Variants in SGCZ observed in about 807,000 individuals in gnomAD.
SGCZ encodes the protein zeta-sarcoglycan.
SGCZ carries 40 observed loss-of-function variants against 41.3 expected under a neutral mutation model. The ratio of observed to expected loss-of-function variants is 0.97; its 90% CI spans 0.75 to 1.26. SGCZ has a LOEUF of 1.26. Ranked by LOEUF, SGCZ falls within the 50% of genes most tolerant of loss-of-function variation. The pLI is 0.00. For synonymous variants in SGCZ, 206 were observed against 137.5 expected (o/e 1.50, Z -3.49); for missense variants, 552 against 369.8 (o/e 1.49, Z -4.04).
At chr8:14,327,024 A>C (rs1358475428) in intron 2 of SGCZ, among the ~76,000 whole-genome samples, 2 of 152,208 alleles carry the variant, frequency 1.3e-5, no homozygotes, top group South Asian at 2.1e-4. Flanking sequence ...ATGACTAACC[A>C]TTATTTTTCT....
Position 14,497,347 on chromosome 8 carries a change from G to T in SGCZ, c.234+57385C>A, listed in dbSNP as rs568818536. On this transcript the variant is annotated intron_variant, in intron 2 of 7. Transcript: ENST00000382080. ...GAGGGAGCAAGAGAAAGAAGGGAGA[G>T]GTCCAAGTCTGTTTTAAACAATCAG... 6.6e-5 allele frequency among the ~76,000 whole-genome samples: 10 copies of T among 152,162 alleles called. 1 individual carries two copies. In the South Asian group the frequency reaches 2.1e-3, roughly 32 times the overall value.
chr8:14,460,653 C>G (rs920275194), intron 2 of SGCZ, among the ~76,000 whole-genome samples: 6 of 152,052 alleles, frequency 3.9e-5, no homozygotes, highest in African/African-American at 1.4e-4. Flanking sequence ...AACAGAGAGA[C>G]GAATTCCAAA....
In SGCZ at chr8:14,638,790, C is replaced by T. The variant is rs543946791; in HGVS notation, c.40-83864G>A. On this transcript the variant is annotated intron_variant, in intron 1 of 7. Coordinates refer to ENST00000382080, the MANE Select transcript of SGCZ (RefSeq NM_139167.4). ...AATGGTTAGCTAACATTTCAGTCTCCCTCAGGTGCACTACATTTTATGAGG... is the reference window on the plus strand; with the variant it reads ...AATGGTTAGCTAACATTTCAGTCTCTCTCAGGTGCACTACATTTTATGAGG... 1.1e-4 allele frequency among the ~76,000 whole-genome samples: 16 copies of T among 151,764 alleles called. 1 individual carries two copies. The East Asian group carries it at 3.1e-3, about 30-fold the overall frequency.
intron 3 of SGCZ, among the ~76,000 whole-genome samples, chr8:14,281,548 TA>T (rs1244674437): frequency 6.6e-6 from 1 of 151,990 alleles, no homozygotes; most frequent in East Asian, 1.9e-4. Context: ...CATGCAATTT[TA>T]AAAGGTTTGG....
intron 1 of SGCZ, among the ~76,000 whole-genome samples, chr8:15,211,561 T>C (rs537425323): frequency 5.8e-4 from 89 of 152,258 alleles, no homozygotes; most frequent in African/African-American, 2.0e-3. Flanking sequence ...CTTCTGTGTC[T>C]TGCCACACCG....
chr8:14,603,266 T>C (rs1403093438), intron 1 of SGCZ, among the ~76,000 whole-genome samples: 2 of 152,072 alleles, frequency 1.3e-5, no homozygotes, highest in Non-Finnish European at 2.9e-5. Flanking sequence ...ACATTGAAAA[T>C]TAAAAGTAAC....
chr8:14,216,276 G>A (rs1805990484), intron 4 of SGCZ, among the ~76,000 whole-genome samples: 1 of 151,980 alleles, frequency 6.6e-6, no homozygotes, highest in African/African-American at 2.4e-5. Context: ...GCAAACCCCT[G>A]GACTTCCGAG....
chr8:14,390,882 A>G (rs749489529), intron 2 of SGCZ, among the ~76,000 whole-genome samples: 1 of 152,122 alleles, frequency 6.6e-6, no homozygotes, highest in Admixed American at 6.6e-5. Flanking sequence ...TTAAAATAGT[A>G]AAATGTCCAA....
chr8:14,387,090 G>A (rs1408157038), intron 2 of SGCZ, among the ~76,000 whole-genome samples: 1 of 151,984 alleles, frequency 6.6e-6, no homozygotes, highest in Non-Finnish European at 1.5e-5. Flanking sequence ...ATAGAGACAG[G>A]GTCTCACTCT....
intron 1 of SGCZ, among the ~76,000 whole-genome samples, chr8:14,594,221 T>A (rs1805334625): frequency 8.1e-6 from 1 of 122,956 alleles, no homozygotes; most frequent in South Asian, 2.6e-4. Flanking sequence ...AATAAATAAA[T>A]AAATAAAATA....
chr8:14,550,665 G>C (rs990548610), intron 2 of SGCZ, among the ~76,000 whole-genome samples: 4 of 151,828 alleles, frequency 2.6e-5, no homozygotes, highest in African/African-American at 9.7e-5. Context: ...AGCATCTCCT[G>C]TGCTTATGAG....
At chr8:14,938,140 T>C (rs1202678429) in intron 1 of SGCZ, among the ~76,000 whole-genome samples, 1 of 152,238 alleles carries the variant, frequency 6.6e-6, no homozygotes, top group African/African-American at 2.4e-5. Context: ...CTGTTTTATA[T>C]TGATTTATAC....
intron 2 of SGCZ, among the ~76,000 whole-genome samples, chr8:14,404,123 T>C (rs1189491446): frequency 1.3e-5 from 2 of 152,174 alleles, no homozygotes; most frequent in Admixed American, 1.3e-4. Flanking sequence ...GAGGTGGAGA[T>C]GCATTATCTT....
chr8:14,268,229 A>G (rs867941295), intron 3 of SGCZ, among the ~76,000 whole-genome samples: 34 of 149,158 alleles, frequency 2.3e-4, no homozygotes, highest in South Asian at 8.4e-4. Flanking sequence ...AAATATATAT[A>G]TGTATAGAAA....
rs1204182136 is a variant in SGCZ, at chr8:14,379,706, C to A, written c.235-55502G>T. The stretch of plus-strand genomic sequence containing the variant: ...AAGGATTGCAGGATGGGAGCTCCTA[C>A]CCTACAATATATTGAAATTATATAT... On this transcript the variant is annotated intron_variant, in intron 2 of 7. Transcript: ENST00000382080. 3.3e-5 allele frequency among the ~76,000 whole-genome samples: 5 copies of A among 152,024 alleles called. No individual in the cohort carries two copies. The South Asian group carries it at 8.3e-4, about 25-fold the overall frequency.
intron 5 of SGCZ, among the ~76,000 whole-genome samples, chr8:14,121,197 A>AATTATATTCAATTG (rs1367652625): frequency 1.3e-5 from 2 of 152,018 alleles, no homozygotes; most frequent in African/African-American, 4.8e-5. Flanking sequence ...GTATTAACAT[A>AATTATATTCAATTG]TATTCAACAT....
chr8:14,464,115 G>A (rs1265690822), intron 2 of SGCZ, among the ~76,000 whole-genome samples: 1 of 151,500 alleles, frequency 6.6e-6, no homozygotes, highest in South Asian at 2.1e-4. Flanking sequence ...TGCTATCTGG[G>A]TAATGCTTAC....
chr8:15,028,341 G>C (rs1478363300), intron 1 of SGCZ, among the ~76,000 whole-genome samples: 1 of 151,640 alleles, frequency 6.6e-6, no homozygotes, highest in African/African-American at 2.4e-5. Context: ...GTTTCATAAG[G>C]AACACTATCG....
chr8:14,336,671 C>A (rs180820186), intron 2 of SGCZ, among the ~76,000 whole-genome samples: 19 of 152,128 alleles, frequency 1.2e-4, no homozygotes, highest in African/African-American at 4.1e-4. Context: ...GGTTTACAAC[C>A]AGAGTTTTAA....
Sources: gnomAD v4.1 joint callset for allele counts (sites outside exome capture counted in the v4.1 genomes callset) on GRCh38, gnomAD v4.1.1 for gene constraint, MANE v1.5 for transcripts, NCBI Gene and HGNC (gene_info 2026-07-23, HGNC 2026-07-21) for gene names.